Variants in WDR70 observed in about 807,000 individuals in gnomAD.
WDR70 encodes the protein WD repeat-containing protein 70.
In WDR70, 53 loss-of-function variants were observed where a neutral mutation model predicts 88.6. The ratio of observed to expected loss-of-function variants is 0.60; its 90% confidence interval spans 0.48 to 0.75. The LOEUF (loss-of-function observed/expected upper bound fraction) is 0.75. Ranked by LOEUF, WDR70 falls within the 30% of genes least tolerant of loss-of-function variation. WDR70 has a pLI of 0.00. For missense variants in WDR70, 610 were observed against 823.2 expected, an observed-to-expected ratio of 0.74 and a Z score of 3.17; for synonymous variants, 280 against 270.0, an observed-to-expected ratio of 1.04 and a Z score of -0.36.
At chr5:37,646,013 A>T (rs1255439272) in intron 10 of WDR70, among the ~76,000 whole-genome samples, 1 of 151,114 alleles carries the variant, frequency 6.6e-6, no homozygotes, top group Non-Finnish European at 1.5e-5. Flanking sequence ...TTTTTAATTA[A>T]AAAAATTTTT....
chr5:37,489,683 CA>C (rs1355923989), intron 8 of WDR70, among the ~76,000 whole-genome samples: 1 of 151,982 alleles, frequency 6.6e-6, no homozygotes, highest in Non-Finnish European at 1.5e-5. Flanking sequence ...CAGTGGGGCA[CA>C]GCAATCCTAG....
chr5:37,557,928 G>T, intron 9 of WDR70, among the ~76,000 whole-genome samples: 1 of 136,144 alleles, frequency 7.3e-6, no homozygotes, highest in Non-Finnish European at 1.7e-5. Flanking sequence ...CTTCAAAAGA[G>T]TACTCTTTTG....
intron 9 of WDR70, among the ~76,000 whole-genome samples, chr5:37,541,337 G>A (rs1176732486): frequency 6.6e-6 from 1 of 152,128 alleles, no homozygotes; most frequent in African/African-American, 2.4e-5. Flanking sequence ...ACTTTCAGCT[G>A]TGGGGAATTG....
intron 7 of WDR70, among the ~76,000 whole-genome samples, chr5:37,469,565 T>A (rs1029754083): frequency 6.6e-6 from 1 of 152,162 alleles, no homozygotes; most frequent in African/African-American, 2.4e-5. Flanking sequence ...TTAGAGGGAA[T>A]TTAATTGGGA....
At chr5:37,379,719 C>G (rs1323092408) in intron 2 of WDR70, among the ~76,000 whole-genome samples, 165 bp downstream of exon 2, 1 of 149,188 alleles carries the variant, frequency 6.7e-6, no homozygotes, top group East Asian at 2.0e-4. Flanking sequence ...TCTGCGTTAT[C>G]CGTTGGAACC....
At chr5:37,658,353 A>G (rs1561054977) in intron 10 of WDR70, among the ~76,000 whole-genome samples, 1 of 152,120 alleles carries the variant, frequency 6.6e-6, no homozygotes, top group African/African-American at 2.4e-5. Flanking sequence ...TCCTTTATTG[A>G]CAACCCTCTA....
intron 10 of WDR70, among the ~76,000 whole-genome samples, chr5:37,675,185 C>T (rs907298335): frequency 2.6e-5 from 4 of 151,874 alleles, no homozygotes; most frequent in African/African-American, 9.7e-5. Context: ...TTGTAGGTTG[C>T]CTGTTCACTC....
intron 5 of WDR70, among the ~76,000 whole-genome samples, chr5:37,412,293 A>G (rs1749550649): frequency 6.6e-6 from 1 of 152,196 alleles, no homozygotes; most frequent in Non-Finnish European, 1.5e-5. Context: ...AAGCTGAGGC[A>G]GGAGAATTGC....
chr5:37,624,675 C>T (rs1314590368), intron 10 of WDR70, among the ~76,000 whole-genome samples: 3 of 152,040 alleles, frequency 2.0e-5, no homozygotes, highest in East Asian at 1.9e-4. Flanking sequence ...TGGGAGCCTT[C>T]GGAATGAAGA....
At chr5:37,699,020 G>T (rs182263333) in intron 11 of WDR70, among the ~76,000 whole-genome samples, 21 of 152,052 alleles carry the variant, frequency 1.4e-4, no homozygotes, top group Admixed American at 1.4e-3. Flanking sequence ...TAAAACAATG[G>T]TTCTCATCCC....
chr5:37,644,892 T>C (rs559990125), intron 10 of WDR70, among the ~76,000 whole-genome samples: 1 of 152,094 alleles, frequency 6.6e-6, no homozygotes, highest in East Asian at 1.9e-4. Flanking sequence ...TTAATTAGTC[T>C]GGCTAAAGGT....
chr5:37,719,036 T>TA (rs1310857672), intron 13 of WDR70, among the ~76,000 whole-genome samples: 1 of 152,196 alleles, frequency 6.6e-6, no homozygotes, highest in African/African-American at 2.4e-5. Flanking sequence ...AAGCAAAGAC[T>TA]AAAAGAGATG....
In WDR70 at chr5:37,514,356, A is replaced by ATATATG. The variant is rs771375976; in HGVS notation, c.841-2155_841-2154insATGTAT. ...TAGAACTACATATATATATATATAT[A>ATATATG]TATGTATGTATGTATGTTTATGTAT... On this transcript the variant is annotated intron_variant, in intron 8 of 17. Coordinates refer to ENST00000265107, the MANE Select transcript of WDR70 (RefSeq NM_018034.4). 1.8e-4 allele frequency among the ~76,000 whole-genome samples: 10 copies of ATATATG among 54,422 alleles called. 1 individual carries two copies. The highest frequency in any genetic ancestry group is 1.2e-3 in the South Asian group (1 of 850). The allele number at this position is 54,422 out of a possible 152,430, so 35.7% of individuals were successfully genotyped here.
At chr5:37,464,744 G>C (rs1333109714) in intron 7 of WDR70, among the ~76,000 whole-genome samples, 1 of 152,158 alleles carries the variant, frequency 6.6e-6, no homozygotes, top group East Asian at 1.9e-4. Flanking sequence ...GAAGATACTG[G>C]GTGCTGCTGA....
rs549049879 is a variant in WDR70 at position 37,447,655 on chromosome 5, G to A, written c.686+4283G>A. On this transcript the variant is annotated intron_variant, in intron 7 of 17. Transcript: ENST00000265107. ...ATTTGTAGGGACATGGATGAAGCTG[G>A]AAACCATCATTCTCAACAAACTATC... Among the ~76,000 whole-genome samples, 13 of 152,298 alleles carry A rather than the reference G, an allele frequency of 8.5e-5. No homozygotes were observed. In the South Asian group the frequency reaches 1.2e-3, roughly 15 times the overall value.
chr5:37,535,691 T>C (rs775983234), intron 9 of WDR70, among the ~76,000 whole-genome samples: 3 of 152,206 alleles, frequency 2.0e-5, no homozygotes, highest in Non-Finnish European at 4.4e-5. Context: ...ATAGTTAACA[T>C]TTATTGAGAA....
rs541646502 is a variant in WDR70, at chr5:37,519,689, G to A, written c.917+3099G>A. ...GCTCCTCACTTCCCAGACGATGGGC[G>A]GCCGGGCAGAGGCGCTCCTCACCTC... On this transcript the variant is annotated intron_variant, in intron 9 of 17. Transcript: ENST00000265107. Among the ~76,000 whole-genome samples the A allele has an allele frequency of 2.3e-4, 34 of 149,344 alleles. No homozygotes were observed. In the South Asian group the frequency reaches 2.4e-3, roughly 10 times the overall value.
At chr5:37,523,249 A>G (rs904155486) in intron 9 of WDR70, among the ~76,000 whole-genome samples, 1 of 152,152 alleles carries the variant, frequency 6.6e-6, no homozygotes, top group Admixed American at 6.5e-5. Flanking sequence ...CAGACTGACA[A>G]CCCACACAGC....
At chr5:37,395,430 G>A (rs1748980792) in intron 4 of WDR70, among the ~76,000 whole-genome samples, 1 of 152,128 alleles carries the variant, frequency 6.6e-6, no homozygotes. Context: ...GAGGGATGAG[G>A]AAATGGCTTC....
Sources: allele counts gnomAD v4.1 joint callset (sites outside exome capture counted in the v4.1 genomes callset), GRCh38; gene constraint gnomAD v4.1.1; transcripts MANE v1.5; gene names NCBI Gene and HGNC (gene_info 2026-07-23, HGNC 2026-07-21).